Variants in SPMIP7 observed in about 807,000 individuals in gnomAD.
SPMIP7 encodes protein SPMIP7.
At chr7:50,099,412 A>C in the SPMIP7 span, among the ~76,000 whole-genome samples, 1 of 152,102 alleles carries the variant, frequency 6.6e-6, no homozygotes, top group Non-Finnish European at 1.5e-5. Context: ...TTGGTTTCTG[A>C]AAATGTATCT....
At chr7:50,123,678 A>G in the SPMIP7 span, among the ~76,000 whole-genome samples, 1 of 152,242 alleles carries the variant, frequency 6.6e-6, no homozygotes, top group East Asian at 1.9e-4. Flanking sequence ...AAGCATGCAC[A>G]TTGTTTCTTC....
chr7:50,129,834 T>C, the SPMIP7 span: 1 of 1,332,868 alleles, frequency 7.5e-7, no homozygotes, highest in East Asian at 2.5e-5. Flanking sequence ...TTGGAATATA[T>C]TTCTTTTTCC....
the SPMIP7 span, chr7:50,136,007 C>T: frequency 1.3e-4 from 119 of 900,422 alleles, 1 homozygote; most frequent in African/African-American, 6.5e-4. Context: ...ATAGCTATGA[C>T]GTAGAAAGGA....
chr7:50,105,257 G>A, the SPMIP7 span, among the ~76,000 whole-genome samples: 1 of 152,136 alleles, frequency 6.6e-6, no homozygotes, highest in South Asian at 2.1e-4. Flanking sequence ...CTTAAAGAGT[G>A]CAATTCAATG....
chr7:50,142,107 A>G, the SPMIP7 span: 1 of 152,134 alleles, frequency 6.6e-6, no homozygotes. Context: ...AGTGGGCTGG[A>G]TTCTTCCATA....
At chr7:50,110,548 T>C in the SPMIP7 span, among the ~76,000 whole-genome samples, 1 of 144,404 alleles carries the variant, frequency 6.9e-6, no homozygotes, top group African/African-American at 2.5e-5. Context: ...TGATATATAT[T>C]ATATGCTTAT....
chr7:50,145,770 CAG>C, the SPMIP7 span, among the ~76,000 whole-genome samples: 1 of 150,278 alleles, frequency 6.7e-6, no homozygotes, highest in South Asian at 2.1e-4. Flanking sequence ...GCCCAGCTAA[CAG>C]AGCAGCACAG....
chr7:50,154,609 C>T, the SPMIP7 span, among the ~76,000 whole-genome samples: 35 of 152,164 alleles, frequency 2.3e-4, 1 homozygote, highest in Non-Finnish European at 1.5e-5. Flanking sequence ...TTTCTTTATC[C>T]ATTCATCTAT....
At chr7:50,146,293 A>G in the SPMIP7 span, among the ~76,000 whole-genome samples, 1 of 152,242 alleles carries the variant, frequency 6.6e-6, no homozygotes, top group African/African-American at 2.4e-5. Context: ...CACTCATTTC[A>G]TGAGTGGTAA....
the SPMIP7 span, among the ~76,000 whole-genome samples, chr7:50,112,272 A>T: frequency 6.6e-6 from 1 of 152,160 alleles, no homozygotes; most frequent in South Asian, 2.1e-4. Flanking sequence ...AACAATATAC[A>T]TATAATTGGA....
At chr7:50,099,078 A>T in the SPMIP7 span, among the ~76,000 whole-genome samples, 1 of 152,210 alleles carries the variant, frequency 6.6e-6, no homozygotes, top group East Asian at 1.9e-4. Flanking sequence ...TTCCTCACTT[A>T]AGCGAAATCA....
At chr7:50,125,094 G>GTATATATATATATATA in the SPMIP7 span, among the ~76,000 whole-genome samples, 2,138 of 73,582 alleles carry the variant, frequency 0.029, 238 homozygotes, top group Non-Finnish European at 0.049. Context: ...GTGAGATTAA[G>GTATATATATATATATA]TATATATATA....
the SPMIP7 span, among the ~76,000 whole-genome samples, chr7:50,139,723 C>T: frequency 6.6e-6 from 1 of 152,138 alleles, no homozygotes; most frequent in Non-Finnish European, 1.5e-5. Context: ...AGAGCTCACA[C>T]AAAGACCTAT....
At chr7:50,108,724 T>C in the SPMIP7 span, among the ~76,000 whole-genome samples, 66 of 152,306 alleles carry the variant, frequency 4.3e-4, no homozygotes, top group East Asian at 0.013. Context: ...AATTACTATA[T>C]TAGTTTCAAA....
the SPMIP7 span, among the ~76,000 whole-genome samples, chr7:50,112,959 A>G: frequency 0.78 from 116,143 of 149,440 alleles, 45,273 homozygotes; most frequent in East Asian, 0.88. Context: ...GTAAACATAA[A>G]AGGAACTACT....
At chr7:50,107,282 G>A in the SPMIP7 span, among the ~76,000 whole-genome samples, 5 of 142,884 alleles carry the variant, frequency 3.5e-5, no homozygotes, top group Admixed American at 3.7e-4. Context: ...CTTGAACCCA[G>A]GAGGCGGAGG....
At chr7:50,125,185 C>T in the SPMIP7 span, among the ~76,000 whole-genome samples, 7 of 57,452 alleles carry the variant, frequency 1.2e-4, no homozygotes, top group African/African-American at 5.1e-4. Flanking sequence ...TATATATACA[C>T]ATATATACAC....
At chr7:50,104,659 C>T in the SPMIP7 span, among the ~76,000 whole-genome samples, 2 of 152,050 alleles carry the variant, frequency 1.3e-5, no homozygotes, top group Non-Finnish European at 2.9e-5. Flanking sequence ...GCAGCTGGTG[C>T]CCATCACAGA....
the SPMIP7 span, among the ~76,000 whole-genome samples, chr7:50,152,996 A>T: frequency 0.44 from 66,414 of 151,926 alleles, 14,983 homozygotes; most frequent in East Asian, 0.72. Flanking sequence ...CTTATCAAAC[A>T]TTTATTGAGC....
Sources: allele counts gnomAD v4.1 joint callset (sites outside exome capture counted in the v4.1 genomes callset), GRCh38; gene constraint gnomAD v4.1.1; transcripts MANE v1.5; gene names NCBI Gene and HGNC (gene_info 2026-07-23, HGNC 2026-07-21).